NMS: variants seen among roughly 807,000 people sequenced by gnomAD.
The protein encoded by NMS is neuromedin-S.
In NMS, 30 loss-of-function variants were observed where a neutral mutation model predicts 32.2. The ratio of observed to expected loss-of-function variants is 0.93; its 90% CI spans 0.70 to 1.26. The LOEUF (loss-of-function observed/expected upper bound fraction) is 1.26, where lower values mean the gene tolerates loss of function less well. Among genes scored for constraint, NMS ranks in the 50% most tolerant of loss-of-function variants. The pLI, the probability that NMS is intolerant of heterozygous loss-of-function variation, is 0.00. For synonymous variants in NMS, 76 were observed against 58.5 expected (o/e 1.30, Z -1.37); for missense variants, 190 against 186.3 (o/e 1.02, Z -0.12).
Position 100,482,320 on chromosome 2 carries a change from T to C in NMS, c.449+9T>C, listed in dbSNP as rs375297395. ...ATTGAAGATGAGGCCCAGTAGGTAG[T>C]CCAAGATCAGCTTCATCACCCTTTT... On this transcript the variant is annotated intron_variant, in intron 9 of 9. Coordinates refer to ENST00000376865, the MANE Select transcript of NMS (RefSeq NM_001011717.1). The C allele has an allele frequency of 1.9e-6, 3 of 1,613,394 alleles. No homozygotes were observed. The highest frequency in any genetic ancestry group is 2.5e-6 in the Non-Finnish European group (3 of 1,179,586).
chr2:100,480,581 G>T, intron 7 of NMS, 50 bp downstream of exon 7: 1 of 1,590,954 alleles, frequency 6.3e-7, no homozygotes, highest in Non-Finnish European at 8.6e-7. Flanking sequence ...CCCTACCCGA[G>T]AAGGGTGGGG....
chr2:100,472,729 A>G (rs1414345270), intron 1 of NMS, 66 bp from the exon 2 acceptor site: 39 of 1,013,476 alleles, frequency 3.8e-5, no homozygotes, highest in Non-Finnish European at 5.9e-5. Context: ...TTTCATGATA[A>G]AGACTTTGAA....
At chr2:100,483,149 G>A (rs1179029425) in intron 9 of NMS, 103 bp from the exon 10 acceptor site, 1 of 990,762 alleles carries the variant, frequency 1.0e-6, no homozygotes, top group Non-Finnish European at 1.6e-6. Flanking sequence ...TTCAAACTGA[G>A]GTCTAATTGT....
rs953312316 is a variant in NMS at position 100,481,175 on chromosome 2, A to G, written c.414+8A>G. 3.7e-6 allele frequency: 6 copies of G among 1,613,904 alleles called. No homozygotes were observed. In the East Asian group the frequency reaches 1.3e-4, roughly 36 times the overall value. ...CCCTTTTTCCTTTTCAGGGTATAGC[A>G]TGTTTTCTCACCTTTGCTTTCTAAC... is the stretch of plus-strand genomic sequence containing the variant. On this transcript the variant is annotated splice_region_variant and intron_variant, in intron 8 of 9. Coordinates refer to ENST00000376865, the MANE Select transcript of NMS (RefSeq NM_001011717.1).
intron 6 of NMS, among the ~76,000 whole-genome samples, chr2:100,479,868 C>A (rs1419197641): frequency 6.6e-6 from 1 of 152,200 alleles, no homozygotes. Context: ...AAATTACCAG[C>A]TGAACCTTTT....
chr2:100,480,809 T>C (rs1256321393), intron 7 of NMS, among the ~76,000 whole-genome samples: 1 of 152,190 alleles, frequency 6.6e-6, no homozygotes, highest in Non-Finnish European at 1.5e-5. Context: ...CCTTGCTTTC[T>C]CTTGCTCAGG....
chr2:100,478,694 C>T (rs1352989113), intron 5 of NMS, among the ~76,000 whole-genome samples: 1 of 152,250 alleles, frequency 6.6e-6, no homozygotes, highest in Non-Finnish European at 1.5e-5. Flanking sequence ...GAACTGCTGA[C>T]CTCAGGTGAT....
chr2:100,476,475 G>A (rs1677111479), intron 3 of NMS, among the ~76,000 whole-genome samples: 1 of 152,090 alleles, frequency 6.6e-6, no homozygotes, highest in Non-Finnish European at 1.5e-5. Flanking sequence ...AGATGTAATT[G>A]TATTCACAAT....
chr2:100,474,174 A>G (rs886337575), intron 3 of NMS, among the ~76,000 whole-genome samples: 4 of 152,212 alleles, frequency 2.6e-5, no homozygotes, highest in Non-Finnish European at 4.4e-5. Flanking sequence ...CACCAAAATG[A>G]AAACAAAAAA....
At chr2:100,470,679 C>A in intron 1 of NMS, 115 bp downstream of exon 1, 1 of 826,956 alleles carries the variant, frequency 1.2e-6, no homozygotes, top group Non-Finnish European at 2.1e-6. Flanking sequence ...CCCCGCCAGA[C>A]CTTCTTGATT....
chr2:100,481,798 G>A (rs1440506562), intron 8 of NMS, among the ~76,000 whole-genome samples: 2 of 152,242 alleles, frequency 1.3e-5, no homozygotes, highest in Admixed American at 1.3e-4. Context: ...ATCACAGGCT[G>A]TAAGAAGTCC....
chr2:100,472,061 A>G (rs1293235025), intron 1 of NMS, among the ~76,000 whole-genome samples: 1 of 152,214 alleles, frequency 6.6e-6, no homozygotes, highest in Non-Finnish European at 1.5e-5. Flanking sequence ...AGGGAACAAA[A>G]TACCATACAA....
At chr2:100,482,956 G>A (rs890607125) in intron 9 of NMS, among the ~76,000 whole-genome samples, 4 of 152,212 alleles carry the variant, frequency 2.6e-5, no homozygotes, top group Admixed American at 2.6e-4. Context: ...CAGGGTCCCA[G>A]CAGTCCAAGG....
In NMS at chr2:100,482,395, C is replaced by G. The variant is rs998666621; in HGVS notation, c.449+84C>G. 7.9e-6 allele frequency: 10 copies of G among 1,263,548 alleles called. No homozygotes were observed. The East Asian group carries it at 2.3e-4, about 29-fold the overall frequency. The allele number at this position is 1,263,548 out of a possible 1,614,324, so 78.3% of individuals were successfully genotyped here. ...TCTGACTGGAGAGAGTGAGAGGCAG[C>G]CATGGGGAGGACCATTGTTCAAGAA... On this transcript the variant is annotated intron_variant, in intron 9 of 9. Coordinates refer to ENST00000376865, the MANE Select transcript of NMS (RefSeq NM_001011717.1).
chr2:100,479,316 C>T, intron 5 of NMS, 37 bp from the exon 6 acceptor site: 1 of 1,524,630 alleles, frequency 6.6e-7, no homozygotes, highest in Non-Finnish European at 9.0e-7. Context: ...CTGTGGATGT[C>T]CCCCTGTCTG....
At chr2:100,477,738 T>C (rs1449970487) in intron 5 of NMS, among the ~76,000 whole-genome samples, 1 of 152,188 alleles carries the variant, frequency 6.6e-6, no homozygotes, top group African/African-American at 2.4e-5. Flanking sequence ...CATTGTTTTT[T>C]CTTGCCATCT....
chr2:100,472,716 G>GT (rs1558666848), intron 1 of NMS, 79 bp from the exon 2 acceptor site: 1 of 903,872 alleles, frequency 1.1e-6, no homozygotes, highest in African/African-American at 1.7e-5. Flanking sequence ...CAGAATGTCT[G>GT]TTTTTCATGA....
At chr2:100,477,606 G>C (rs1677136948) in intron 5 of NMS, among the ~76,000 whole-genome samples, 192 bp downstream of exon 5, 1 of 152,092 alleles carries the variant, frequency 6.6e-6, no homozygotes, top group African/African-American at 2.4e-5. Flanking sequence ...GTGGTAGGTG[G>C]CCAACTGATC....
At chr2:100,472,388 G>A (rs1677021398) in intron 1 of NMS, among the ~76,000 whole-genome samples, 1 of 152,186 alleles carries the variant, frequency 6.6e-6, no homozygotes, top group Non-Finnish European at 1.5e-5. Context: ...TGTCTTCAAA[G>A]TTCAAAGGTG....
Sources: gnomAD v4.1 joint callset for allele counts (sites outside exome capture counted in the v4.1 genomes callset) on GRCh38, gnomAD v4.1.1 for gene constraint, MANE v1.5 for transcripts, NCBI Gene and HGNC (gene_info 2026-07-23, HGNC 2026-07-21) for gene names.